The following DNAH14 variants were observed in gnomAD, a reference collection of about 807,000 sequenced individuals.
DNAH14 encodes axonemal beta dynein heavy chain 14.
DNAH14 carries 478 observed loss-of-function variants against 520.9 expected under a neutral mutation model. The observed-to-expected ratio is 0.92, with a 90% confidence interval of 0.85 to 0.99. DNAH14 has a LOEUF of 0.99. Ranked by LOEUF, DNAH14 falls within the 50% of genes least tolerant of loss-of-function variation. The pLI, the probability that DNAH14 is intolerant of heterozygous loss-of-function variation, is 0.00. For synonymous variants in DNAH14, 1,581 were observed against 1,757.2 expected (o/e 0.90, Z 2.51); for missense variants, 4,831 against 5,234.5 (o/e 0.92, Z 2.38).
chr1:224,982,772 T>G (rs1279675305), intron 8 of DNAH14, among the ~76,000 whole-genome samples: 1 of 152,216 alleles, frequency 6.6e-6, no homozygotes, highest in Non-Finnish European at 1.5e-5. Context: ...TTTGCATGAT[T>G]TTGGAGTTGA....
intron 43 of DNAH14, among the ~76,000 whole-genome samples, chr1:225,249,497 G>A (rs1574288425): frequency 6.6e-6 from 1 of 152,252 alleles, no homozygotes; most frequent in Middle Eastern, 3.4e-3. Context: ...CCCTATGATT[G>A]CCCCAGCCCT....
chr1:225,045,267 GT>G (rs138849505), intron 15 of DNAH14, among the ~76,000 whole-genome samples: 3,879 of 141,476 alleles, frequency 0.027, 60 homozygotes, highest in African/African-American at 0.043. Flanking sequence ...TGTTTCTACT[GT>G]TTTTTTTTTA....
chr1:225,388,431 T>A lies in DNAH14; in HGVS notation c.13130T>A (p.Ile4377Asn). 1 of 1,535,392 alleles carries A rather than the reference T, an allele frequency of 6.5e-7. No individual in the cohort carries two copies. The highest frequency in any genetic ancestry group is 8.8e-7 in the Non-Finnish European group (1 of 1,133,746). ...KPLSSWIDDL[I>N]QRLNFFNTWA... is the part of the protein sequence containing the mutation. ...CTGAGTTCCTGGATTGATGATCTCA[T>A]CCAGCGACTGAATTTCTTCAATACT... is the stretch of plus-strand genomic sequence containing the variant. Residue 4377 changes from isoleucine (I) to asparagine (N), a missense_variant, in exon 82 of 86, where the codon ATC becomes AAC. By Grantham distance (149) the Ile-to-Asn change is moderately radical (BLOSUM62 -3). Coordinates refer to ENST00000682510, the MANE Select transcript of DNAH14 (RefSeq NM_001367479.1).
chr1:225,271,132 A>G (rs543533649), intron 50 of DNAH14, among the ~76,000 whole-genome samples: 1 of 152,316 alleles, frequency 6.6e-6, no homozygotes, highest in East Asian at 1.9e-4. Flanking sequence ...CTGATCCAGT[A>G]TATCTGGCCT....
At chr1:225,212,682 T>C (rs1165354706) in intron 41 of DNAH14, among the ~76,000 whole-genome samples, 1 of 152,200 alleles carries the variant, frequency 6.6e-6, no homozygotes, top group Non-Finnish European at 1.5e-5. Context: ...TTTCATGTGT[T>C]TTTTGGCTGC....
chr1:224,993,883 A>G (rs2063217671), intron 8 of DNAH14, among the ~76,000 whole-genome samples: 1 of 151,564 alleles, frequency 6.6e-6, no homozygotes, highest in Non-Finnish European at 1.5e-5. Context: ...TTGCATTTCT[A>G]TTTTTGTTTG....
At chr1:225,074,547 C>T (rs1183866055) in intron 17 of DNAH14, among the ~76,000 whole-genome samples, 1 of 151,896 alleles carries the variant, frequency 6.6e-6, no homozygotes, top group African/African-American at 2.4e-5. Context: ...GATGGTGGCC[C>T]ACCCTTCCCT....
At chr1:225,357,731 G>T in intron 73 of DNAH14, 1 of 692,710 alleles carries the variant, frequency 1.4e-6, no homozygotes, top group South Asian at 1.5e-5. Flanking sequence ...AGGTAAAAAT[G>T]GCAACTTCCC....
chr1:225,391,233 T>C (rs1575165138), intron 83 of DNAH14, among the ~76,000 whole-genome samples: 1 of 151,694 alleles, frequency 6.6e-6, no homozygotes, highest in South Asian at 2.1e-4. Context: ...GCCAGAGAGG[T>C]CATGATCCAG....
At chr1:225,019,165 C>G (rs1381718411) in intron 10 of DNAH14, among the ~76,000 whole-genome samples, 2 of 152,098 alleles carry the variant, frequency 1.3e-5, no homozygotes, top group Non-Finnish European at 2.9e-5. Flanking sequence ...TCTGCTGTCT[C>G]TAAGAGACCC....
chr1:225,277,739 T>C (rs140397443), intron 54 of DNAH14, among the ~76,000 whole-genome samples: 140 of 152,340 alleles, frequency 9.2e-4, no homozygotes, highest in African/African-American at 3.3e-3. Flanking sequence ...CCATTTCTAG[T>C]GTTCGCAGCA....
intron 9 of DNAH14, among the ~76,000 whole-genome samples, chr1:225,006,180 TCTTTA>T (rs1340341374): frequency 2.0e-5 from 3 of 152,204 alleles, no homozygotes; most frequent in Non-Finnish European, 4.4e-5. Flanking sequence ...CCTATGCCTG[TCTTTA>T]CTTTAATCTC....
chr1:225,194,750 T>A (rs770891672), intron 38 of DNAH14, among the ~76,000 whole-genome samples: 2 of 151,788 alleles, frequency 1.3e-5, no homozygotes, highest in South Asian at 4.1e-4. Context: ...TTGGAGAAAA[T>A]ATTTGCAAAC....
chr1:225,303,043 G>T, intron 56 of DNAH14, 113 bp from the exon 57 acceptor site: 4 of 822,652 alleles, frequency 4.9e-6, no homozygotes, highest in Admixed American at 3.1e-5. Flanking sequence ...ATCAGTCCCT[G>T]ATCTACCCAC....
chr1:225,227,336 G>A (rs2090637194), intron 41 of DNAH14, among the ~76,000 whole-genome samples: 2 of 152,112 alleles, frequency 1.3e-5, no homozygotes, highest in Admixed American at 1.3e-4. Flanking sequence ...AATGGAGAAT[G>A]GCGATGACTT....
At chr1:225,245,060 T>C (rs1393331296) in intron 43 of DNAH14, among the ~76,000 whole-genome samples, 1 of 152,194 alleles carries the variant, frequency 6.6e-6, no homozygotes, top group Non-Finnish European at 1.5e-5. Flanking sequence ...TTTGTTCTCA[T>C]TGGTTTCAAA....
At chr1:225,150,497 G>T (rs543338819) in intron 31 of DNAH14, among the ~76,000 whole-genome samples, 1 of 152,232 alleles carries the variant, frequency 6.6e-6, no homozygotes, top group East Asian at 1.9e-4. Flanking sequence ...TGTATATCTG[G>T]TAGAATTTGG....
At position 225,264,133 on chromosome 1, in the gene DNAH14, G is replaced by T; in HGVS notation, c.7158-64G>T. ...CACAATATGCTGTTACTTTTTTGTT[G>T]TTGTTTAATATACCTATTATGGTAA... On this transcript the variant is annotated intron_variant, in intron 46 of 85. Coordinates refer to ENST00000682510, the MANE Select transcript of DNAH14 (RefSeq NM_001367479.1). The T allele has an allele frequency of 6.7e-6, 9 of 1,340,274 alleles. No homozygotes were observed. In the Admixed American group the frequency reaches 9.7e-5, roughly 14 times the overall value. The allele number at this position is 1,340,274 out of a possible 1,614,324, so 83.0% of individuals were successfully genotyped here. A position where few individuals can be genotyped will look rare whatever the true frequency, so the allele number is the denominator to read the frequency against.
At chr1:225,115,328 C>A (rs1040598734) in intron 23 of DNAH14, among the ~76,000 whole-genome samples, 9 of 152,056 alleles carry the variant, frequency 5.9e-5, no homozygotes, top group Non-Finnish European at 1.0e-4. Flanking sequence ...ATAAATTCTG[C>A]AAAAGTTGAA....
Sources: gnomAD v4.1 joint callset for allele counts (sites outside exome capture counted in the v4.1 genomes callset) on GRCh38, gnomAD v4.1.1 for gene constraint, MANE v1.5 for transcripts, NCBI Gene and HGNC (gene_info 2026-07-23, HGNC 2026-07-21) for gene names.